Variants in HS3ST5 observed in about 807,000 individuals in gnomAD.
The protein encoded by HS3ST5 is heparan sulfate glucosamine 3-O-sulfotransferase 5.
In HS3ST5, 10 loss-of-function variants were observed where a neutral mutation model predicts 25.4. The observed-to-expected ratio is 0.39, with a 90% CI of 0.24 to 0.67. HS3ST5 has a LOEUF of 0.67. HS3ST5 is among the 30% of genes least tolerant of loss of function. HS3ST5 has a pLI of 0.44. For missense variants in HS3ST5, 324 were observed against 420.7 expected (o/e 0.77, Z 2.01); for synonymous variants, 170 against 162.4 (o/e 1.05, Z -0.36).
chr6:114,129,240 G>T (rs1777205177), intron 3 of HS3ST5, among the ~76,000 whole-genome samples: 1 of 144,094 alleles, frequency 6.9e-6, no homozygotes, highest in Non-Finnish European at 1.5e-5. Context: ...ACACACACCT[G>T]CAACAAGAAC....
intron 3 of HS3ST5, among the ~76,000 whole-genome samples, chr6:114,081,359 A>T (rs1035447165): frequency 7.0e-6 from 1 of 142,950 alleles, no homozygotes; most frequent in African/African-American, 2.7e-5. Context: ...ATCTTTAATT[A>T]AAAAAAAAAA....
chr6:114,121,665 A>C (rs1317337918), intron 3 of HS3ST5, among the ~76,000 whole-genome samples: 2 of 152,268 alleles, frequency 1.3e-5, no homozygotes, highest in African/African-American at 4.8e-5. Flanking sequence ...ATAATTTAAC[A>C]TAGTTGTATA....
intron 2 of HS3ST5, among the ~76,000 whole-genome samples, chr6:114,184,882 C>G (rs550561686): frequency 6.6e-6 from 1 of 152,312 alleles, no homozygotes; most frequent in Admixed American, 6.5e-5. Flanking sequence ...TGGGACTCAT[C>G]ATCCCTTTCT....
At chr6:114,245,847 T>C (rs1772354172) in intron 1 of HS3ST5, among the ~76,000 whole-genome samples, 1 of 152,174 alleles carries the variant, frequency 6.6e-6, no homozygotes, top group Admixed American at 6.5e-5. Context: ...AAAAGCTGCA[T>C]ACATGTGGGA....
chr6:114,174,967 T>C (rs776721529), intron 2 of HS3ST5, among the ~76,000 whole-genome samples: 1 of 152,036 alleles, frequency 6.6e-6, no homozygotes, highest in Non-Finnish European at 1.5e-5. Context: ...CACTCCAGCC[T>C]GGTGACAGAG....
intron 1 of HS3ST5, among the ~76,000 whole-genome samples, chr6:114,273,298 A>G (rs1290186129): frequency 6.6e-6 from 1 of 152,086 alleles, no homozygotes; most frequent in Non-Finnish European, 1.5e-5. Context: ...ATTACCATCT[A>G]CTGAGATGGG....
intron 3 of HS3ST5, among the ~76,000 whole-genome samples, chr6:114,107,848 A>G (rs2114839912): frequency 6.6e-6 from 1 of 152,356 alleles, no homozygotes; most frequent in Middle Eastern, 3.4e-3. Context: ...TTAAAGATGC[A>G]TGTATAAATG....
At chr6:114,243,653 T>C (rs1217333821) in intron 1 of HS3ST5, among the ~76,000 whole-genome samples, 1 of 152,248 alleles carries the variant, frequency 6.6e-6, no homozygotes, top group African/African-American at 2.4e-5. Flanking sequence ...GGGAAAGCTG[T>C]TGACATATGT....
chr6:114,058,441 G>A (rs911355535), intron 4 of HS3ST5, among the ~76,000 whole-genome samples: 6 of 152,020 alleles, frequency 3.9e-5, no homozygotes, highest in Non-Finnish European at 2.9e-5. Flanking sequence ...AATTGACTAC[G>A]GCGTGTACTT....
At chr6:114,187,171 A>G (rs2114271090) in intron 2 of HS3ST5, among the ~76,000 whole-genome samples, 1 of 152,336 alleles carries the variant, frequency 6.6e-6, no homozygotes. Context: ...CAGTCCATAG[A>G]TCAAGGTGTT....
chr6:114,137,114 T>TTTCTGGATAA lies in HS3ST5; in HGVS notation c.-33+31227_-33+31236dup, dbSNP rs569169426. 2.3e-3 allele frequency among the ~76,000 whole-genome samples: 345 copies of TTTCTGGATAA among 152,304 alleles called. 1 individual carries two copies. Among genetic ancestry groups the TTTCTGGATAA allele is most frequent in the African/African-American group, 8.1e-3 (335 of 41,568 alleles). On this transcript the variant is annotated intron_variant, in intron 3 of 4. Coordinates refer to ENST00000312719, the MANE Select transcript of HS3ST5 (RefSeq NM_153612.4). ...ATCATAGCAATCTTGTTTCGATGAC[T>TTTCTGGATAA]TTCTGGATAATGGCAGTATCCAAAG...
chr6:114,146,766 T>C (rs921891526), intron 3 of HS3ST5, among the ~76,000 whole-genome samples: 1 of 152,162 alleles, frequency 6.6e-6, no homozygotes, highest in Non-Finnish European at 1.5e-5. Flanking sequence ...CATTTAAAAG[T>C]GTATGGCACC....
At chr6:114,102,457 C>A (rs573395744) in intron 3 of HS3ST5, among the ~76,000 whole-genome samples, 176 of 152,208 alleles carry the variant, frequency 1.2e-3, no homozygotes, top group African/African-American at 4.0e-3. Context: ...TGTTCTAGAC[C>A]TTTTGAACAT....
At chr6:114,234,302 A>C (rs1771752805) in intron 1 of HS3ST5, among the ~76,000 whole-genome samples, 1 of 149,290 alleles carries the variant, frequency 6.7e-6, no homozygotes, top group Non-Finnish European at 1.5e-5. Flanking sequence ...GGATATTAGT[A>C]AAATTAATAT....
At chr6:114,308,660 C>G (rs921968200) in intron 1 of HS3ST5, among the ~76,000 whole-genome samples, 4 of 152,222 alleles carry the variant, frequency 2.6e-5, no homozygotes, top group African/African-American at 9.6e-5. Context: ...GAAAGAATAG[C>G]TCTTTCACTG....
At chr6:114,207,577 G>A (rs1000340307) in intron 2 of HS3ST5, among the ~76,000 whole-genome samples, 2 of 152,070 alleles carry the variant, frequency 1.3e-5, no homozygotes, top group African/African-American at 4.8e-5. Flanking sequence ...TCAGCGAGAA[G>A]TCCAAACTCA....
At chr6:114,181,258 C>T (rs1383907850) in intron 2 of HS3ST5, among the ~76,000 whole-genome samples, 1 of 152,166 alleles carries the variant, frequency 6.6e-6, no homozygotes, top group Non-Finnish European at 1.5e-5. Flanking sequence ...ACCCGGGGAA[C>T]ATTGTGACAA....
At chr6:114,162,697 C>T (rs767011674) in intron 3 of HS3ST5, among the ~76,000 whole-genome samples, 2 of 152,132 alleles carry the variant, frequency 1.3e-5, no homozygotes, top group East Asian at 3.8e-4. Context: ...ACCTTCAGAA[C>T]AATAAATGAA....
Position 114,057,425 on chromosome 6 carries a change from C to T in HS3ST5, c.873G>A (p.Gly291=), listed in dbSNP as rs774253877. 6.2e-6 allele frequency: 10 copies of T among 1,614,038 alleles called. No individual in the cohort carries two copies. Among genetic ancestry groups the T allele is most frequent in the Non-Finnish European group, 8.5e-6 (10 of 1,180,048 alleles). Residue 291 remains glycine (G), a synonymous_variant, in exon 5 of 5, where the codon GGG becomes GGA. Coordinates refer to ENST00000312719, the MANE Select transcript of HS3ST5 (RefSeq NM_153612.4). Reference sequence around the variant, plus strand: ...TAATATTAAACCGCAAGCAGTAAAACCCTCTGGTAGCATTGAAGTATAAAT... The same window carrying T: ...TAATATTAAACCGCAAGCAGTAAAATCCTCTGGTAGCATTGAAGTATAAAT... The part of the protein sequence containing the change: ...QYNLYFNATR[G]FYCLRFNIIF...
Sources: allele counts gnomAD v4.1 joint callset (sites outside exome capture counted in the v4.1 genomes callset), GRCh38; gene constraint gnomAD v4.1.1; transcripts MANE v1.5; gene names NCBI Gene and HGNC (gene_info 2026-07-23, HGNC 2026-07-21).